Variants in GPR158 observed in about 807,000 individuals in gnomAD.
GPR158 encodes the protein G protein-coupled receptor 158, also known as metabotropic glycine receptor.
Under a neutral mutation model 78.2 loss-of-function variants are expected in GPR158, and 30 were observed. That is an observed-to-expected ratio of 0.38 (90% confidence interval 0.29 to 0.52). The LOEUF (loss-of-function observed/expected upper bound fraction) is 0.52, where lower values mean the gene tolerates loss of function less well. Ranked by LOEUF, GPR158 falls within the 20% of genes least tolerant of loss-of-function variation. The pLI, the probability that GPR158 is intolerant of heterozygous loss-of-function variation, is 0.83. For synonymous variants in GPR158, 581 were observed against 591.1 expected, an observed-to-expected ratio of 0.98 and a Z score of 0.25; for missense variants, 1,463 against 1,523.5, an observed-to-expected ratio of 0.96 and a Z score of 0.66.
At chr10:25,595,718 A>G (rs772891966) in intron 9 of GPR158, among the ~76,000 whole-genome samples, 2 of 152,348 alleles carry the variant, frequency 1.3e-5, no homozygotes, top group African/African-American at 4.8e-5. Flanking sequence ...TGTTTGTCAC[A>G]GGCTGGAGGA....
In GPR158 at chr10:25,289,864, T is replaced by C. The variant is rs368825845; in HGVS notation, c.1008+68707T>C. On this transcript the variant is annotated intron_variant, in intron 2 of 10. Transcript: ENST00000376351. ...TTTGAAAACCATCATGTTACAGTTA[T>C]AGATAATAACCTTAGAGAAATCCTA... Among the ~76,000 whole-genome samples, 66 of 152,342 alleles carry C rather than the reference T, an allele frequency of 4.3e-4. 1 individual carries two copies. The highest frequency in any genetic ancestry group is 1.5e-3 in the African/African-American group (62 of 41,576).
intron 2 of GPR158, among the ~76,000 whole-genome samples, chr10:25,390,272 G>C (rs1448834730): frequency 6.6e-6 from 1 of 152,202 alleles, no homozygotes; most frequent in East Asian, 1.9e-4. Flanking sequence ...CTTTAGAACT[G>C]GGTAACAGAT....
rs1264785226 is a variant in GPR158, at chr10:25,598,157, C to T, written c.2531C>T (p.Thr844Ile). 1.9e-6 allele frequency: 3 copies of T among 1,614,012 alleles called. No individual in the cohort carries two copies. The highest frequency in any genetic ancestry group is 1.1e-5 in the South Asian group (1 of 91,086). The part of the protein sequence containing the change: ...LPTESQEEET[T>I]ENSTLESLSG... ...ACAGAAAGCCAAGAGGAGGAGACAA[C>T]AGAAAATTCCACACTGGAATCCCTG... The change falls in exon 11 of 11, where the codon ACA (threonine) becomes ATA (isoleucine). Residue 844 changes from threonine (T) to isoleucine (I), a missense_variant. Physicochemically the swap from Thr to Ile is moderately conservative, Grantham distance 89. Transcript: ENST00000376351.
intron 4 of GPR158, among the ~76,000 whole-genome samples, chr10:25,439,883 A>C (rs61617584): frequency 6.6e-6 from 1 of 152,172 alleles, no homozygotes; most frequent in Admixed American, 6.5e-5. Flanking sequence ...CCCAGTTAAA[A>C]TCACGGGTCT....
At chr10:25,548,034 T>A (rs879917439) in intron 5 of GPR158, among the ~76,000 whole-genome samples, 1 of 152,094 alleles carries the variant, frequency 6.6e-6, no homozygotes, top group Non-Finnish European at 1.5e-5. Flanking sequence ...TCACAAAGAG[T>A]AAATAAATAT....
intron 1 of GPR158, among the ~76,000 whole-genome samples, chr10:25,194,080 C>T (rs886555787): frequency 5.9e-5 from 9 of 152,340 alleles, no homozygotes; most frequent in East Asian, 3.9e-4. Flanking sequence ...GAGATGACAT[C>T]TGGCAGGTCC....
At chr10:25,338,950 G>A (rs1445347515) in intron 2 of GPR158, among the ~76,000 whole-genome samples, 1 of 148,616 alleles carries the variant, frequency 6.7e-6, no homozygotes, top group Non-Finnish European at 1.5e-5. Flanking sequence ...AAGATTTTCT[G>A]TTAAAGGTCC....
intron 5 of GPR158, among the ~76,000 whole-genome samples, chr10:25,508,177 T>C (rs1836039336): frequency 6.6e-6 from 1 of 152,166 alleles, no homozygotes; most frequent in Non-Finnish European, 1.5e-5. Context: ...GTAACTGCTG[T>C]TAACAAGTGA....
intron 2 of GPR158, among the ~76,000 whole-genome samples, chr10:25,256,169 G>T (rs367766903): frequency 6.8e-6 from 1 of 146,916 alleles, no homozygotes; most frequent in Non-Finnish European, 1.5e-5. Flanking sequence ...TAGTACTTTC[G>T]ACTGAAAAAA....
At chr10:25,271,807 T>A (rs1165170416) in intron 2 of GPR158, among the ~76,000 whole-genome samples, 4 of 151,260 alleles carry the variant, frequency 2.6e-5, no homozygotes. Flanking sequence ...CTTGGCTAAT[T>A]TTTTTTTTCT....
chr10:25,471,476 G>A (rs529580004), intron 5 of GPR158, among the ~76,000 whole-genome samples: 2 of 152,172 alleles, frequency 1.3e-5, no homozygotes, highest in Admixed American at 1.3e-4. Context: ...TATATACCCA[G>A]TAATATGGGA....
chr10:25,549,209 G>GA (rs1237304266), intron 5 of GPR158, among the ~76,000 whole-genome samples: 4 of 152,068 alleles, frequency 2.6e-5, no homozygotes, highest in African/African-American at 9.7e-5. Flanking sequence ...TCTTCCATGA[G>GA]AAGGAGCACA....
intron 2 of GPR158, among the ~76,000 whole-genome samples, chr10:25,240,263 C>CT (rs1324903537): frequency 6.6e-6 from 1 of 152,228 alleles, no homozygotes; most frequent in Non-Finnish European, 1.5e-5. Context: ...AATCACAGCA[C>CT]TTTGGGAGGC....
intron 5 of GPR158, among the ~76,000 whole-genome samples, chr10:25,520,635 G>A (rs1308237553): frequency 1.3e-5 from 2 of 151,244 alleles, no homozygotes; most frequent in African/African-American, 4.9e-5. Flanking sequence ...ACCCTGCCGT[G>A]TGAGGTGTCA....
intron 6 of GPR158, among the ~76,000 whole-genome samples, chr10:25,556,771 G>A (rs1267962887): frequency 6.6e-6 from 1 of 152,116 alleles, no homozygotes; most frequent in Admixed American, 6.5e-5. Flanking sequence ...ATACACCCAC[G>A]CTTCAGATAT....
intron 4 of GPR158, among the ~76,000 whole-genome samples, chr10:25,419,549 G>C (rs1016215262): frequency 1.3e-5 from 2 of 152,060 alleles, no homozygotes; most frequent in African/African-American, 4.8e-5. Flanking sequence ...TCTATGTTTA[G>C]TGATTTGAGG....
chr10:25,522,761 G>T (rs961880168), intron 5 of GPR158, among the ~76,000 whole-genome samples: 7 of 152,130 alleles, frequency 4.6e-5, no homozygotes, highest in African/African-American at 1.7e-4. Context: ...TTTAGTGCTT[G>T]CCTCTAGAGA....
chr10:25,270,203 T>C (rs111235718), intron 2 of GPR158, among the ~76,000 whole-genome samples: 100 of 152,298 alleles, frequency 6.6e-4, no homozygotes, highest in African/African-American at 2.2e-3. Flanking sequence ...ACACATTTAG[T>C]ATCAAGGGGA....
chr10:25,290,258 C>T (rs958593132), intron 2 of GPR158, among the ~76,000 whole-genome samples: 2 of 152,132 alleles, frequency 1.3e-5, no homozygotes, highest in African/African-American at 4.8e-5. Flanking sequence ...CGTATACTAT[C>T]TCTGATTTTT....
Sources: allele counts gnomAD v4.1 joint callset (sites outside exome capture counted in the v4.1 genomes callset), GRCh38; gene constraint gnomAD v4.1.1; transcripts MANE v1.5; gene names NCBI Gene and HGNC (gene_info 2026-07-23, HGNC 2026-07-21).